The following COL26A1 variants were observed in gnomAD, a reference collection of about 807,000 sequenced individuals.
COL26A1 encodes the protein collagen type XXVI alpha 1 chain.
Under a neutral mutation model 59.3 loss-of-function variants are expected in COL26A1, and 41 were observed. The observed-to-expected ratio is 0.69, with a 90% CI of 0.54 to 0.90. The LOEUF is 0.90. COL26A1 is among the 40% of genes least tolerant of loss of function. The pLI is 0.00. For synonymous variants in COL26A1, 266 were observed against 256.0 expected (o/e 1.04, Z -0.37); for missense variants, 612 against 602.3 (o/e 1.02, Z -0.17).
intron 1 of COL26A1, among the ~76,000 whole-genome samples, chr7:101,373,128 G>A (rs950362426): frequency 5.9e-5 from 9 of 152,260 alleles, no homozygotes; most frequent in African/African-American, 2.2e-4. Flanking sequence ...TTTGCTGGTC[G>A]GGGAGAGGCT....
intron 3 of COL26A1, among the ~76,000 whole-genome samples, chr7:101,526,892 G>A (rs962500177): frequency 6.6e-6 from 1 of 152,158 alleles, no homozygotes; most frequent in African/African-American, 2.4e-5. Flanking sequence ...CAAGCCACAC[G>A]GTGAGTTCCT....
At chr7:101,394,497 C>T (rs1481776932) in intron 1 of COL26A1, among the ~76,000 whole-genome samples, 1 of 151,886 alleles carries the variant, frequency 6.6e-6, no homozygotes, top group African/African-American at 2.4e-5. Flanking sequence ...GCCTCGAATT[C>T]TTGGCCTTAA....
rs1457454578 is a variant in COL26A1, at chr7:101,489,751, TG to T, written c.385+41965del. Among the ~76,000 whole-genome samples, 97 of 57,174 alleles carry T rather than the reference TG, an allele frequency of 1.7e-3. 25 individuals carry two copies. The highest frequency in any genetic ancestry group is 2.3e-3 in the Non-Finnish European group (69 of 30,548). The allele number at this position is 57,174 out of a possible 152,430, so 37.5% of individuals were successfully genotyped here. ...TCTCTCTCTTTCTCTCTTTCTTTCT[TG>T]TCTCTCTTTCTTTCTTTCTTTCTTT... is the stretch of plus-strand genomic sequence containing the variant. On this transcript the variant is annotated intron_variant, in intron 3 of 12. Transcript: ENST00000313669.
intron 3 of COL26A1, among the ~76,000 whole-genome samples, chr7:101,513,318 T>TTATTTA (rs1394797346): frequency 6.6e-6 from 1 of 150,842 alleles, no homozygotes; most frequent in African/African-American, 2.4e-5. Flanking sequence ...TCTATTTATT[T>TTATTTA]TATTTATTTT....
chr7:101,412,180 C>T (rs929174128), intron 1 of COL26A1, among the ~76,000 whole-genome samples: 2 of 152,178 alleles, frequency 1.3e-5, no homozygotes, highest in South Asian at 2.1e-4. Flanking sequence ...CAAAACAGAT[C>T]GGGGCAGAAG....
chr7:101,407,857 CA>C (rs1792163997), intron 1 of COL26A1, among the ~76,000 whole-genome samples: 2 of 152,106 alleles, frequency 1.3e-5, no homozygotes. Context: ...ACCACTTAAT[CA>C]TATGCAAATT....
chr7:101,412,419 C>G (rs1792263792), intron 1 of COL26A1, among the ~76,000 whole-genome samples: 2 of 151,994 alleles, frequency 1.3e-5, no homozygotes, highest in African/African-American at 4.8e-5. Context: ...CCCAGGCGGG[C>G]AGATCATTTG....
At chr7:101,520,495 G>T (rs2130608595) in intron 3 of COL26A1, among the ~76,000 whole-genome samples, 1 of 152,222 alleles carries the variant, frequency 6.6e-6, no homozygotes, top group Non-Finnish European at 1.5e-5. Context: ...ACCACCCTGG[G>T]CAACATACTG....
At chr7:101,387,346 T>C (rs1331267468) in intron 1 of COL26A1, among the ~76,000 whole-genome samples, 1 of 151,086 alleles carries the variant, frequency 6.6e-6, no homozygotes, top group African/African-American at 2.4e-5. Context: ...TCAGCACAGA[T>C]GTTTAGGTGA....
chr7:101,553,695 G>A (rs925949167), intron 11 of COL26A1, among the ~76,000 whole-genome samples: 10 of 152,188 alleles, frequency 6.6e-5, no homozygotes, highest in African/African-American at 2.2e-4. Flanking sequence ...TGGAGGAGGC[G>A]TCAGGCTGCA....
At chr7:101,475,493 T>C (rs1794009910) in intron 3 of COL26A1, among the ~76,000 whole-genome samples, 2 of 152,008 alleles carry the variant, frequency 1.3e-5, no homozygotes, top group African/African-American at 4.8e-5. Context: ...GCCCCACTGA[T>C]GGAGAGAAGC....
At chr7:101,458,041 C>T (rs1418694316) in intron 3 of COL26A1, among the ~76,000 whole-genome samples, 24 of 151,984 alleles carry the variant, frequency 1.6e-4, no homozygotes, top group Non-Finnish European at 2.9e-5. Context: ...GGACTACAGG[C>T]ACCCACCAGC....
chr7:101,390,490 A>G (rs1217304197), intron 1 of COL26A1, among the ~76,000 whole-genome samples: 1 of 152,076 alleles, frequency 6.6e-6, no homozygotes, highest in Admixed American at 6.6e-5. Flanking sequence ...CAGTAGTGCA[A>G]TCATAGCTCA....
chr7:101,468,962 G>A (rs1056298384), intron 3 of COL26A1, among the ~76,000 whole-genome samples: 5 of 152,156 alleles, frequency 3.3e-5, no homozygotes, highest in African/African-American at 4.8e-5. Flanking sequence ...TCACAGCCTC[G>A]CAGGGCCTCG....
chr7:101,379,423 G>A (rs1282157565), intron 1 of COL26A1, among the ~76,000 whole-genome samples: 2 of 152,168 alleles, frequency 1.3e-5, no homozygotes. Context: ...AGACCTGGCT[G>A]TGCTCCTGGT....
intron 5 of COL26A1, among the ~76,000 whole-genome samples, chr7:101,540,459 AC>A (rs1334486912): frequency 1.3e-5 from 2 of 149,396 alleles, no homozygotes; most frequent in African/African-American, 4.9e-5. Flanking sequence ...AATCGCTTGA[AC>A]CCGGAAGGCG....
chr7:101,513,589 C>T (rs1399083327), intron 3 of COL26A1, among the ~76,000 whole-genome samples: 4 of 152,122 alleles, frequency 2.6e-5, no homozygotes, highest in African/African-American at 9.7e-5. Context: ...AAGTGATCCA[C>T]CTGTCTCAGC....
At chr7:101,436,501 G>T (rs995677001) in intron 2 of COL26A1, among the ~76,000 whole-genome samples, 1 of 152,060 alleles carries the variant, frequency 6.6e-6, no homozygotes, top group Non-Finnish European at 1.5e-5. Flanking sequence ...GCCCAGTGAG[G>T]GAGGGGCATC....
chr7:101,421,201 T>C (rs1353772382), intron 2 of COL26A1, among the ~76,000 whole-genome samples: 1 of 151,952 alleles, frequency 6.6e-6, no homozygotes, highest in Non-Finnish European at 1.5e-5. Context: ...ACCTGCAGGG[T>C]GGGCTGGCTG....
Sources: gnomAD v4.1 joint callset for allele counts (sites outside exome capture counted in the v4.1 genomes callset) on GRCh38, gnomAD v4.1.1 for gene constraint, MANE v1.5 for transcripts, NCBI Gene and HGNC (gene_info 2026-07-23, HGNC 2026-07-21) for gene names.